ATG7: variants seen among roughly 807,000 people sequenced by gnomAD.
ATG7 encodes autophagy related 7, also known as ubiquitin-like modifier-activating enzyme ATG7.
In ATG7, 70 loss-of-function variants were observed where a neutral mutation model predicts 82.4. The observed-to-expected ratio is 0.85, with a 90% CI of 0.70 to 1.04. The LOEUF (loss-of-function observed/expected upper bound fraction) is 1.04. ATG7 is among the 50% of genes least tolerant of loss of function. ATG7 has a pLI of 0.00. For synonymous variants in ATG7, 287 were observed against 313.0 expected, an observed-to-expected ratio of 0.92 and a Z score of 0.88; for missense variants, 792 against 864.3, an observed-to-expected ratio of 0.92 and a Z score of 1.05.
chr3:11,514,689 C>G lies in ATG7; in HGVS notation c.2080-40122C>G, dbSNP rs537052603. On this transcript the variant is annotated intron_variant, in intron 20 of 20. Transcript: ENST00000693202. Reference sequence around the variant, plus strand: ...GTTGACAGTGGCCTGATATGCATAGCATACTTACATAGCTCCACTTTTCAG... The same window carrying G: ...GTTGACAGTGGCCTGATATGCATAGGATACTTACATAGCTCCACTTTTCAG... Among the ~76,000 whole-genome samples the G allele has an allele frequency of 3.5e-4, 54 of 152,332 alleles. 2 individuals are homozygous for G. The Middle Eastern group carries it at 0.02, about 58-fold the overall frequency.
At chr3:11,496,889 T>A (rs2153055831) in intron 20 of ATG7, among the ~76,000 whole-genome samples, 1 of 152,178 alleles carries the variant, frequency 6.6e-6, no homozygotes, top group East Asian at 1.9e-4. Context: ...AGATGGAGTC[T>A]CGCTCTGTCA....
intron 20 of ATG7, among the ~76,000 whole-genome samples, chr3:11,532,081 C>T (rs930740274): frequency 2.0e-5 from 3 of 152,120 alleles, no homozygotes; most frequent in African/African-American, 7.2e-5. Flanking sequence ...CCCCTCCGCC[C>T]CACACGCCAC....
intron 20 of ATG7, among the ~76,000 whole-genome samples, chr3:11,484,313 G>GAA (rs1156290207): frequency 6.6e-6 from 1 of 152,202 alleles, no homozygotes; most frequent in Non-Finnish European, 1.5e-5. Flanking sequence ...AGAATTACTT[G>GAA]AACCCAGGAG....
intron 20 of ATG7, among the ~76,000 whole-genome samples, chr3:11,514,319 A>G (rs2092194872): frequency 6.6e-6 from 1 of 152,226 alleles, no homozygotes; most frequent in South Asian, 2.1e-4. Flanking sequence ...TTGCAAGAGA[A>G]GCATAATTAA....
At chr3:11,442,739 C>CAA (rs57073881) in intron 20 of ATG7, among the ~76,000 whole-genome samples, 1,058 of 69,252 alleles carry the variant, frequency 0.015, 102 homozygotes, top group African/African-American at 0.035. Context: ...TCCATCTCTA[C>CAA]AAAAAAAAAA....
At chr3:11,377,770 C>CT (rs1559499660) in intron 18 of ATG7, among the ~76,000 whole-genome samples, 1 of 152,148 alleles carries the variant, frequency 6.6e-6, no homozygotes, top group African/African-American at 2.4e-5. Context: ...AGGAGACTCA[C>CT]TGTGAGTATT....
intron 2 of ATG7, among the ~76,000 whole-genome samples, 158 bp downstream of exon 2, chr3:11,281,260 A>AT (rs1241926829): frequency 1.3e-5 from 2 of 152,228 alleles, no homozygotes; most frequent in African/African-American, 2.4e-5. Context: ...TCATGGGTGC[A>AT]TTTTTGTAAT....
the ATG7 span, among the ~76,000 whole-genome samples, chr3:11,573,288 A>G: frequency 1.5e-3 from 18 of 11,692 alleles, no homozygotes; most frequent in Admixed American, 2.2e-3. Flanking sequence ...AGAAAGAAAG[A>G]AAGAAAGAAA....
the ATG7 span, chr3:11,564,786 CAG>C: frequency 1.3e-6 from 2 of 1,539,556 alleles, no homozygotes; most frequent in South Asian, 1.2e-5. Context: ...CCCTCCCAGA[CAG>C]AGGCCCACCT....
At chr3:11,390,193 C>T (rs2078680604) in intron 19 of ATG7, among the ~76,000 whole-genome samples, 3 of 152,088 alleles carry the variant, frequency 2.0e-5, no homozygotes, top group African/African-American at 7.2e-5. Flanking sequence ...TGCTAATAGG[C>T]CTATGTACAA....
At chr3:11,512,004 G>A (rs886415265) in intron 20 of ATG7, among the ~76,000 whole-genome samples, 3 of 152,186 alleles carry the variant, frequency 2.0e-5, no homozygotes, top group African/African-American at 7.2e-5. Context: ...CAAGCTGAGG[G>A]AGTGGGCTCC....
At chr3:11,366,971 CTGTGTGTGTGTG>C (rs60183965) in intron 18 of ATG7, among the ~76,000 whole-genome samples, 6,813 of 139,766 alleles carry the variant, frequency 0.049, 198 homozygotes, top group Admixed American at 0.093. Context: ...ATGGGAAAAG[CTGTGTGTGTGTG>C]TGTGTGTGTG....
intron 20 of ATG7, among the ~76,000 whole-genome samples, chr3:11,494,306 A>G (rs987408302): frequency 9.2e-5 from 14 of 152,298 alleles, no homozygotes; most frequent in Non-Finnish European, 1.3e-4. Context: ...CACTTAGGCA[A>G]TCATGATGGG....
At chr3:11,359,337 A>G (rs914013943) in intron 15 of ATG7, among the ~76,000 whole-genome samples, 1 of 152,142 alleles carries the variant, frequency 6.6e-6, no homozygotes, top group Non-Finnish European at 1.5e-5. Flanking sequence ...CTTTCTATAT[A>G]ATCAGATATT....
At chr3:11,408,798 C>T (rs2080608871) in intron 19 of ATG7, among the ~76,000 whole-genome samples, 1 of 152,142 alleles carries the variant, frequency 6.6e-6, no homozygotes, top group Non-Finnish European at 1.5e-5. Context: ...TGGGTCCTTC[C>T]CATAACACAT....
chr3:11,464,597 G>A lies in ATG7; in HGVS notation c.2079+37671G>A, dbSNP rs914998131. ...CATTCTTGTTTCTTGCCAAACCTGG[G>A]AATGCCAGATGGACTTGTTGTTTTA... On this transcript the variant is annotated intron_variant, in intron 20 of 20. Transcript: ENST00000693202. Among the ~76,000 whole-genome samples the A allele has an allele frequency of 5.3e-5, 8 of 152,262 alleles. No individual in the cohort carries two copies. The South Asian group carries it at 1.7e-3, about 32-fold the overall frequency.
chr3:11,489,930 G>A (rs1378897682), intron 20 of ATG7, among the ~76,000 whole-genome samples: 3 of 151,914 alleles, frequency 2.0e-5, no homozygotes, highest in South Asian at 2.1e-4. Context: ...GTGTGGTGTG[G>A]TGCTGAAAAA....
At chr3:11,479,967 G>A (rs1201010608) in intron 20 of ATG7, among the ~76,000 whole-genome samples, 2 of 148,802 alleles carry the variant, frequency 1.3e-5, no homozygotes, top group East Asian at 2.0e-4. Context: ...TCCCTCTGTC[G>A]CCCAGGCTGG....
At position 11,394,433 on chromosome 3, in the gene ATG7, G is replaced by A. The variant is rs80010634; in HGVS notation, c.1956+14381G>A. On this transcript the variant is annotated intron_variant, in intron 19 of 20. Coordinates refer to ENST00000693202, the MANE Select transcript of ATG7 (RefSeq NM_001349232.2). ...ATAAGGAGATTCTGAGTTGAGCTTT[G>A]AGAGAGAATGTAAGCACAGAGGAGC... Among the ~76,000 whole-genome samples, 47 of 152,294 alleles carry A rather than the reference G, an allele frequency of 3.1e-4. 1 individual carries two copies. The East Asian group carries it at 5.8e-3, about 19-fold the overall frequency.
Sources: allele counts gnomAD v4.1 joint callset (sites outside exome capture counted in the v4.1 genomes callset), GRCh38; gene constraint gnomAD v4.1.1; transcripts MANE v1.5; gene names NCBI Gene and HGNC (gene_info 2026-07-23, HGNC 2026-07-21).